PARG: variants seen among roughly 807,000 people sequenced by gnomAD.
PARG encodes the protein mitochondrial poly(ADP-ribose) glycohydrolase.
Under a neutral mutation model 113.0 loss-of-function variants are expected in PARG, and 35 were observed. The observed-to-expected ratio is 0.31, with a 90% confidence interval of 0.24 to 0.41. The LOEUF is 0.41. Ranked by LOEUF, PARG falls within the 10% of genes least tolerant of loss-of-function variation. PARG has a pLI of 1.00. For synonymous variants in PARG, 330 were observed against 409.9 expected (o/e 0.81, Z 2.36); for missense variants, 797 against 1,169.4 (o/e 0.68, Z 4.64).
chr10:49,844,769 AAAAC>A (rs1280420459), intron 13 of PARG, among the ~76,000 whole-genome samples: 1 of 152,162 alleles, frequency 6.6e-6, no homozygotes, highest in East Asian at 1.9e-4. Flanking sequence ...ACAAAAACAA[AAAAC>A]AAACGAACAA....
In PARG at chr10:49,818,820, A is replaced by T. The variant is rs1339408727; in HGVS notation, c.*520T>A. 2.0e-5 allele frequency: 3 copies of T among 152,450 alleles called. No homozygotes were observed. The highest frequency in any genetic ancestry group is 4.4e-5 in the Non-Finnish European group (3 of 68,236). The allele number at this position is 152,450 out of a possible 1,614,324, so 9.4% of individuals were successfully genotyped here. A position where few individuals can be genotyped will look rare whatever the true frequency, so the allele number is the denominator to read the frequency against. ...AGGAGGTTTGCATTATGCAACACAT[A>T]TGAAAAAAACCCTAATTATTAATTT... On this transcript the variant is annotated 3_prime_UTR_variant, in exon 18 of 18. Coordinates refer to ENST00000616448, the MANE Select transcript of PARG (RefSeq NM_003631.5).
At chr10:49,901,293 T>C (rs1426893441) in intron 7 of PARG, among the ~76,000 whole-genome samples, 7 of 151,842 alleles carry the variant, frequency 4.6e-5, no homozygotes, top group African/African-American at 1.5e-4. Context: ...AAAAAAATTT[T>C]TGTAGCAATG....
intron 6 of PARG, 87 bp downstream of exon 6, chr10:49,922,249 T>C: frequency 1.5e-6 from 2 of 1,377,254 alleles, no homozygotes; most frequent in Admixed American, 2.2e-5. Context: ...TAAACAATGT[T>C]GCTACCTGAG....
intron 16 of PARG, 64 bp downstream of exon 16, chr10:49,832,738 TG>T: frequency 1.3e-6 from 1 of 798,194 alleles, no homozygotes; most frequent in Non-Finnish European, 2.0e-6. Context: ...ATGAGAAATC[TG>T]GTTTGAAGGA....
chr10:49,902,735 A>T lies in PARG; in HGVS notation c.1737+13182T>A, dbSNP rs543030606. ...CCTGGGCACAGTGGTTCATGCCTGT[A>T]ATCTCAGCACTCTGGGAGGCCAAAG... On this transcript the variant is annotated intron_variant, in intron 7 of 17. Transcript: ENST00000616448. Among the ~76,000 whole-genome samples the T allele has an allele frequency of 7.6e-4, 116 of 152,330 alleles. 1 individual carries two copies. Among genetic ancestry groups the T allele is most frequent in the African/African-American group, 2.7e-3 (113 of 41,576 alleles).
chr10:49,840,794 C>A (rs1845193049), intron 15 of PARG, among the ~76,000 whole-genome samples: 1 of 152,174 alleles, frequency 6.6e-6, no homozygotes, highest in Admixed American at 6.5e-5. Context: ...TGTTATTATT[C>A]TCAGAAGTCT....
At chr10:49,883,907 G>C (rs1847335653) in intron 8 of PARG, among the ~76,000 whole-genome samples, 1 of 150,262 alleles carries the variant, frequency 6.7e-6, no homozygotes. Context: ...TAGGTACCTT[G>C]AGAAAAATAG....
intron 15 of PARG, among the ~76,000 whole-genome samples, chr10:49,840,024 A>C (rs1554831941): frequency 6.6e-6 from 1 of 152,344 alleles, no homozygotes; most frequent in African/African-American, 2.4e-5. Context: ...ACTGGGGACA[A>C]TTGCTTTAAG....
intron 1 of PARG, among the ~76,000 whole-genome samples, chr10:49,939,229 T>C (rs1301630203): frequency 6.6e-6 from 1 of 152,206 alleles, no homozygotes; most frequent in Non-Finnish European, 1.5e-5. Context: ...ATCCTAAATT[T>C]TAAATCCATC....
At chr10:49,824,023 A>C (rs989301832) in intron 16 of PARG, among the ~76,000 whole-genome samples, 1 of 152,194 alleles carries the variant, frequency 6.6e-6, no homozygotes, top group Non-Finnish European at 1.5e-5. Flanking sequence ...TCTGCCAGCT[A>C]TCTAGCTCTG....
In PARG at chr10:49,941,932, C is replaced by T; in HGVS notation, c.-207G>A. ...TGCCTTCCCTCTTCCACTGGCACCCCACCTGCCTCAATGCGCCGCTTTGAT... is the reference window on the plus strand; with the variant it reads ...TGCCTTCCCTCTTCCACTGGCACCCTACCTGCCTCAATGCGCCGCTTTGAT... On this transcript the variant is annotated 5_prime_UTR_variant, in exon 1 of 18. Transcript: ENST00000616448. The T allele has an allele frequency of 8.0e-6, 8 of 1,004,784 alleles. No homozygotes were observed. The highest frequency in any genetic ancestry group is 1.2e-5 in the Non-Finnish European group (8 of 656,010). The allele number at this position is 1,004,784 out of a possible 1,614,324, so 62.2% of individuals were successfully genotyped here.
At chr10:49,902,446 A>G (rs1554843916) in intron 7 of PARG, among the ~76,000 whole-genome samples, 2 of 152,178 alleles carry the variant, frequency 1.3e-5, no homozygotes, top group Non-Finnish European at 2.9e-5. Flanking sequence ...CCCCTTTTGC[A>G]TGCAGGGAAT....
In PARG at chr10:49,933,690, T is replaced by C. The variant is rs1435298172; in HGVS notation, c.758A>G (p.Asp253Gly). ...ACTCTCTGGCACCACATCTATCTCA[T>C]CTTGCTGACAACTTGCACAGTCTTC... ...PGEDCASCQQ[D>G]EIDVVPESPL... is the part of the protein sequence containing the mutation. The change falls in exon 3 of 18, where the codon GAT (aspartate) becomes GGT (glycine). Residue 253 changes from aspartate to glycine, a missense_variant. Physicochemically the swap from Asp to Gly is moderately conservative, Grantham distance 94. Around this residue, in one of 5 missense-constraint regions of PARG, gnomAD observed 284 missense variants for 306.1 expected, o/e 0.93. Coordinates refer to ENST00000616448, the MANE Select transcript of PARG (RefSeq NM_003631.5). 7.4e-6 allele frequency: 12 copies of C among 1,611,506 alleles called. No homozygotes were observed. Among genetic ancestry groups the C allele is most frequent in the African/African-American group, 1.3e-5 (1 of 74,888 alleles).
At chr10:49,854,568 A>T (rs1179813544) in intron 13 of PARG, among the ~76,000 whole-genome samples, 1 of 150,876 alleles carries the variant, frequency 6.6e-6, no homozygotes, top group African/African-American at 2.4e-5. Flanking sequence ...GCTCAGGAAA[A>T]ACTAGAGAAA....
intron 7 of PARG, among the ~76,000 whole-genome samples, chr10:49,903,768 ACC>A (rs1848449851): frequency 1.3e-5 from 2 of 151,280 alleles, no homozygotes; most frequent in Non-Finnish European, 2.9e-5. Context: ...GAGTCATTAG[ACC>A]ATCAGGTTTC....
intron 9 of PARG, among the ~76,000 whole-genome samples, chr10:49,877,791 A>G (rs1847016470): frequency 8.3e-6 from 1 of 119,968 alleles, no homozygotes; most frequent in African/African-American, 3.3e-5. Context: ...TCTTCCTTAC[A>G]ATGGAATTTC....
chr10:49,935,689 A>G (rs1286815821), intron 1 of PARG, among the ~76,000 whole-genome samples: 6 of 152,264 alleles, frequency 3.9e-5, no homozygotes, highest in African/African-American at 1.4e-4. Context: ...AATCGGTAAG[A>G]TTTCTTCGGA....
Position 49,933,846 on chromosome 10 carries a change from C to G in PARG, c.602G>C (p.Ser201Thr). The stretch of plus-strand genomic sequence containing the variant: ...CTGTTGATTGTCTCTATTCTCTTCA[C>G]TATCTGTGTCACTGTGATCATCATT... Reference protein sequence around the residue: ...PQNDDHSDTDSEENRDNQQFL... With the variant: ...PQNDDHSDTDTEENRDNQQFL... The change falls in exon 3 of 18, where the codon AGT becomes ACT. Residue 201 changes from serine (S) to threonine (T), a missense_variant. Coordinates refer to ENST00000616448, the MANE Select transcript of PARG (RefSeq NM_003631.5). 6.2e-7 allele frequency: 1 copy of G among 1,601,398 alleles called. No homozygotes were observed. The highest frequency in any genetic ancestry group is 8.6e-7 in the Non-Finnish European group (1 of 1,168,412).
Position 49,915,964 on chromosome 10 carries a change from A to G in PARG, c.1690T>C (p.Tyr564His). ...KDAILKYNVA[Y>H]SKKWDFTALI... The stretch of plus-strand genomic sequence containing the variant: ...GCTGTAAAGTCCCATTTCTTAGAAT[A>G]TGCCACATTGTATTTCAGAATAGCA... The change falls in exon 7 of 18, where the codon TAT (tyrosine) becomes CAT (histidine). Residue 564 changes from tyrosine to histidine, a missense_variant. Transcript: ENST00000616448. 6.5e-7 allele frequency: 1 copy of G among 1,543,102 alleles called. No individual in the cohort carries two copies. The highest frequency in any genetic ancestry group is 8.8e-7 in the Non-Finnish European group (1 of 1,138,522).
Sources: gnomAD v4.1 joint callset for allele counts (sites outside exome capture counted in the v4.1 genomes callset) on GRCh38, gnomAD v4.1.1 for gene constraint, gnomAD v4.1.1 regional missense constraint, MANE v1.5 for transcripts, NCBI Gene and HGNC (gene_info 2026-07-23, HGNC 2026-07-21) for gene names.